Variants in RERE observed in about 807,000 individuals in gnomAD.
RERE encodes the protein arginine-glutamic acid dipeptide repeats.
Under a neutral mutation model 146.1 loss-of-function variants are expected in RERE, and 40 were observed. That is an observed-to-expected ratio of 0.27 (90% CI 0.21 to 0.36). The LOEUF is 0.36. Among genes scored for constraint, RERE ranks in the 10% least tolerant of loss-of-function variants. The pLI is 1.00. For synonymous variants in RERE, 1,003 were observed against 866.0 expected (o/e 1.16, Z -2.78); for missense variants, 1,933 against 2,138.7 (o/e 0.90, Z 1.90).
rs1357456747 is a variant in RERE, at chr1:8,605,772, C to CA, written c.522+8788_522+8789insT. On this transcript the variant is annotated intron_variant, in intron 4 of 22. Coordinates refer to ENST00000400908, the MANE Select transcript of RERE (RefSeq NM_001042681.2). The stretch of plus-strand genomic sequence containing the variant: ...AAAAAAAAAAAAAAAAAAAAAAAAA[C>CA]CCCTAAAAAAAGTGATAATAGATTA... Among the ~76,000 whole-genome samples, 7 of 93,314 alleles carry CA rather than the reference C, an allele frequency of 7.5e-5. 1 individual carries two copies. Among genetic ancestry groups the CA allele is most frequent in the African/African-American group, 3.0e-4 (7 of 23,444 alleles). The allele number at this position is 93,314 out of a possible 152,430, so 61.2% of individuals were successfully genotyped here. A position where few individuals can be genotyped will look rare whatever the true frequency, so the allele number is the denominator to read the frequency against.
rs1466223549 is a variant in RERE, at chr1:8,364,908, G to A, written c.1448-70C>T. 1.3e-5 allele frequency: 10 copies of A among 776,020 alleles called. No homozygotes were observed. The highest frequency in any genetic ancestry group is 1.8e-5 in the African/African-American group (1 of 55,178). 48.1% of individuals were successfully genotyped at this position (776,020 alleles called of 1,614,324 possible). On this transcript the variant is annotated intron_variant, in intron 13 of 22. Transcript: ENST00000400908. This position sits in a 1 kb window ranked among gnomAD's most constrained non-coding sequence, Gnocchi z 5.1. The stretch of plus-strand genomic sequence containing the variant: ...TGCTCAGCCAAGGCTGGGCCGGTGG[G>A]GTGGGGGGGAGGGGGGAACACCTGT...
chr1:8,502,343 G>A (rs1265176002), intron 8 of RERE, among the ~76,000 whole-genome samples: 2 of 113,732 alleles, frequency 1.8e-5, no homozygotes, highest in Admixed American at 8.0e-5. Flanking sequence ...TGGTGGGGGG[G>A]TCAGCCCCCC....
chr1:8,525,640 T>G, intron 7 of RERE: 2 of 1,139,396 alleles, frequency 1.8e-6, no homozygotes, highest in Non-Finnish European at 2.4e-6. Context: ...TAGGGCTGAA[T>G]TAAAGGCTCT....
chr1:8,462,788 C>T (rs1245573850), intron 11 of RERE, among the ~76,000 whole-genome samples: 1 of 152,114 alleles, frequency 6.6e-6, no homozygotes, highest in Admixed American at 6.6e-5. Flanking sequence ...GCCTGTAGTC[C>T]CAGCTGCTCA....
chr1:8,368,900 T>TA (rs1641921285), intron 12 of RERE, among the ~76,000 whole-genome samples: 8 of 143,848 alleles, frequency 5.6e-5, no homozygotes, highest in African/African-American at 2.1e-4. Flanking sequence ...GTCCCCCACC[T>TA]CAAAAAAAAA....
At chr1:8,674,942 C>T (rs1036092086) in intron 1 of RERE, among the ~76,000 whole-genome samples, 6 of 152,168 alleles carry the variant, frequency 3.9e-5, no homozygotes, top group Admixed American at 2.0e-4. Context: ...ACAAATGCAA[C>T]CTGGGAGGCT....
intron 12 of RERE, among the ~76,000 whole-genome samples, chr1:8,391,400 G>A (rs1642879099): frequency 6.6e-6 from 1 of 152,118 alleles, no homozygotes; most frequent in Non-Finnish European, 1.5e-5. Context: ...AGGTCCCCAT[G>A]ACCTGACCTC....
rs1012462121 is a variant in RERE at position 8,663,828 on chromosome 1, G to C, written c.-144-7387C>G. Reference sequence around the variant, plus strand: ...TCCACCCCTCCTGCATGCTCCTCCTGCTGCCTCAAGACACTCCTTCAGTCC... The same window carrying C: ...TCCACCCCTCCTGCATGCTCCTCCTCCTGCCTCAAGACACTCCTTCAGTCC... On this transcript the variant is annotated intron_variant, in intron 1 of 22. Transcript: ENST00000400908. Among the ~76,000 whole-genome samples the C allele has an allele frequency of 4.0e-5, 6 of 151,794 alleles. No homozygotes were observed. In the East Asian group the frequency reaches 9.7e-4, roughly 24 times the overall value.
At chr1:8,408,648 C>A (rs1346528592) in intron 12 of RERE, among the ~76,000 whole-genome samples, 1 of 152,142 alleles carries the variant, frequency 6.6e-6, no homozygotes, top group African/African-American at 2.4e-5. Context: ...CTGGGACGCA[C>A]AAATGCCTAC....
intron 8 of RERE, 21 bp from the exon 9 acceptor site, chr1:8,497,550 A>G: frequency 6.2e-7 from 1 of 1,613,622 alleles, no homozygotes; most frequent in South Asian, 1.1e-5. Context: ...GGGATGAGTA[A>G]GTCACAATCA....
intron 6 of RERE, among the ~76,000 whole-genome samples, chr1:8,552,627 C>T (rs555936648): frequency 6.1e-4 from 93 of 152,222 alleles, no homozygotes; most frequent in Admixed American, 1.1e-3. Flanking sequence ...TTTAACCATC[C>T]CCCACCAAAT....
chr1:8,440,198 A>G (rs1644227373), intron 11 of RERE, among the ~76,000 whole-genome samples: 1 of 152,224 alleles, frequency 6.6e-6, no homozygotes, highest in South Asian at 2.1e-4. Flanking sequence ...TGGACTCTGG[A>G]AACTATTTGT....
intron 12 of RERE, among the ~76,000 whole-genome samples, chr1:8,402,169 C>A (rs189752176): frequency 6.2e-4 from 94 of 152,252 alleles, no homozygotes; most frequent in African/African-American, 2.1e-3. Flanking sequence ...GCCCGGCCAA[C>A]GCTGTGTAAC....
At chr1:8,769,361 C>G (rs1640903342) in intron 1 of RERE, among the ~76,000 whole-genome samples, 1 of 152,226 alleles carries the variant, frequency 6.6e-6, no homozygotes, top group South Asian at 2.1e-4. Context: ...CAATAAATGA[C>G]TGTCCAAGTA....
intron 4 of RERE, among the ~76,000 whole-genome samples, chr1:8,606,494 A>G (rs528858062): frequency 9.8e-5 from 15 of 152,308 alleles, no homozygotes; most frequent in African/African-American, 3.6e-4. Context: ...TATATCTGTA[A>G]GCAGTTTCAA....
At position 8,784,007 on chromosome 1, in the gene RERE, G is replaced by C. The variant is rs559372500; in HGVS notation, c.-145+33153C>G. Reference sequence around the variant, plus strand: ...CCTGCCAACCGACACCTTGATTTCAGACTTCTGGCCTCCACAACTGTGGCA... The same window carrying C: ...CCTGCCAACCGACACCTTGATTTCACACTTCTGGCCTCCACAACTGTGGCA... On this transcript the variant is annotated intron_variant, in intron 1 of 22. Transcript: ENST00000400908. Among the ~76,000 whole-genome samples the C allele has an allele frequency of 1.2e-4, 19 of 152,322 alleles. 1 individual carries two copies. In the East Asian group the frequency reaches 3.7e-3, roughly 29 times the overall value.
chr1:8,402,390 G>A (rs1341580201), intron 12 of RERE, among the ~76,000 whole-genome samples: 2 of 152,156 alleles, frequency 1.3e-5, no homozygotes, highest in South Asian at 2.1e-4. Context: ...TGTCTTCCCA[G>A]CTGAGGCCCC....
At position 8,364,977 on chromosome 1, in the gene RERE, T is replaced by A; in HGVS notation, c.1448-139A>T. On this transcript the variant is annotated intron_variant, in intron 13 of 22. Transcript: ENST00000400908. This position sits in a 1 kb window ranked among gnomAD's most constrained non-coding sequence, Gnocchi z 5.1. ...GGTTCTGGCCACCAGTCAGAGCGGC[T>A]GGGTGCACAGGCTGAGGTAGGACAG... The A allele has an allele frequency of 1.5e-6, 1 of 674,202 alleles. No individual in the cohort carries two copies. The highest frequency in any genetic ancestry group is 2.7e-6 in the Non-Finnish European group (1 of 376,494). 41.8% of individuals were successfully genotyped at this position (674,202 alleles called of 1,614,324 possible). A position where few individuals can be genotyped will look rare whatever the true frequency, so the allele number is the denominator to read the frequency against.
intron 2 of RERE, among the ~76,000 whole-genome samples, chr1:8,640,114 C>T (rs953059774): frequency 1.3e-5 from 2 of 151,654 alleles, no homozygotes; most frequent in Non-Finnish European, 2.9e-5. Flanking sequence ...GAGATTGCAC[C>T]ATTGCACTCC....
Sources: allele counts gnomAD v4.1 joint callset (sites outside exome capture counted in the v4.1 genomes callset), GRCh38; gene constraint gnomAD v4.1.1; non-coding constraint Gnocchi (gnomAD v3.1); transcripts MANE v1.5; gene names NCBI Gene and HGNC (gene_info 2026-07-23, HGNC 2026-07-21).